Variants in DNAI4 observed in about 807,000 individuals in gnomAD.
DNAI4 encodes the protein WD repeat domain 78.
Under a neutral mutation model 105.8 loss-of-function variants are expected in DNAI4, and 85 were observed. The observed-to-expected ratio is 0.80, with a 90% confidence interval of 0.67 to 0.96. The LOEUF (loss-of-function observed/expected upper bound fraction) is 0.96, where lower values mean the gene tolerates loss of function less well. Among genes scored for constraint, DNAI4 ranks in the 40% least tolerant of loss-of-function variants. DNAI4 has a pLI of 0.00. For missense variants in DNAI4, 1,014 were observed against 1,005.6 expected, an observed-to-expected ratio of 1.01 and a Z score of -0.11; for synonymous variants, 352 against 331.5, an observed-to-expected ratio of 1.06 and a Z score of -0.67.
At chr1:66,882,399 C>G (rs1647092235) in intron 4 of DNAI4, among the ~76,000 whole-genome samples, 2 of 152,156 alleles carry the variant, frequency 1.3e-5, no homozygotes, top group Admixed American at 1.3e-4. Flanking sequence ...CAAGATCACA[C>G]AGATTTTTTC....
At position 66,834,105 on chromosome 1, in the gene DNAI4, A is replaced by G. The variant is rs1645928915; in HGVS notation, c.1777T>C (p.Trp593Arg). The change falls in exon 12 of 17, where the codon TGG becomes CGG. Residue 593 changes from tryptophan (W) to arginine (R), a missense_variant. Coordinates refer to ENST00000371026, the MANE Select transcript of DNAI4 (RefSeq NM_024763.5). ...GTTGTTCCTCGATCTTGTTCTATCC[A>G]CTGTAGTTGCCATACAGGTCCCAAA... is the stretch of plus-strand genomic sequence containing the variant. The part of the protein sequence containing the change: ...KHLGPVWQLQ[W>R]IEQDRGTTGD... The G allele has an allele frequency of 1.9e-6, 3 of 1,610,160 alleles. No individual in the cohort carries two copies. The highest frequency in any genetic ancestry group is 2.7e-5 in the African/African-American group (2 of 74,800).
intron 15 of DNAI4, among the ~76,000 whole-genome samples, chr1:66,825,428 G>T (rs569132648): frequency 6.6e-6 from 1 of 151,768 alleles, no homozygotes; most frequent in African/African-American, 2.4e-5. Flanking sequence ...TGATCCACCC[G>T]CCTCGGCCTC....
intron 9 of DNAI4, 128 bp from the exon 10 acceptor site, chr1:66,837,924 A>G: frequency 1.1e-6 from 1 of 876,064 alleles, no homozygotes; most frequent in Non-Finnish European, 1.7e-6. Context: ...AGAGGAAAAA[A>G]TGCCAGTACA....
intron 16 of DNAI4, among the ~76,000 whole-genome samples, chr1:66,819,560 C>T (rs943104788): frequency 8.6e-5 from 13 of 151,908 alleles, no homozygotes; most frequent in South Asian, 2.1e-4. Flanking sequence ...GCTAGTACTG[C>T]GCTAGACACT....
At chr1:66,851,637 A>G (rs898805262) in intron 7 of DNAI4, among the ~76,000 whole-genome samples, 55 of 152,012 alleles carry the variant, frequency 3.6e-4, no homozygotes, top group African/African-American at 1.3e-3. Context: ...GACAACAGGA[A>G]GATCTCCAAA....
At chr1:66,825,477 G>A (rs1286298608) in intron 15 of DNAI4, among the ~76,000 whole-genome samples, 3 of 152,136 alleles carry the variant, frequency 2.0e-5, no homozygotes, top group South Asian at 2.1e-4. Context: ...CACCGCGCAC[G>A]GCCTAATAAC....
At chr1:66,894,717 C>T (rs1259230949) in intron 2 of DNAI4, among the ~76,000 whole-genome samples, 1 of 152,130 alleles carries the variant, frequency 6.6e-6, no homozygotes, top group Non-Finnish European at 1.5e-5. Context: ...CCTGTCCTTT[C>T]CCCATTACTC....
chr1:66,860,027 T>A (rs1646591155), intron 7 of DNAI4, among the ~76,000 whole-genome samples: 1 of 152,036 alleles, frequency 6.6e-6, no homozygotes. Flanking sequence ...ATATACCACA[T>A]TAATGCAAAA....
chr1:66,841,646 C>T (rs193196400), intron 8 of DNAI4, among the ~76,000 whole-genome samples: 21 of 152,256 alleles, frequency 1.4e-4, no homozygotes, highest in African/African-American at 5.1e-4. Context: ...GCTGTGATTA[C>T]AGACATGAGC....
At chr1:66,917,783 G>C (rs1050090256) in intron 1 of DNAI4, among the ~76,000 whole-genome samples, 12 of 152,328 alleles carry the variant, frequency 7.9e-5, no homozygotes, top group Admixed American at 7.8e-4. Context: ...AGTGCAATAA[G>C]AATCTGTTTT....
At chr1:66,844,609 A>C (rs1331906003) in intron 8 of DNAI4, among the ~76,000 whole-genome samples, 2 of 152,072 alleles carry the variant, frequency 1.3e-5, no homozygotes, top group Non-Finnish European at 2.9e-5. Flanking sequence ...TAGATAGTAG[A>C]CCTAAACATA....
At chr1:66,868,123 C>G (rs986262021) in intron 6 of DNAI4, among the ~76,000 whole-genome samples, 2 of 152,120 alleles carry the variant, frequency 1.3e-5, no homozygotes, top group Non-Finnish European at 2.9e-5. Flanking sequence ...ATTTAATAAT[C>G]TTTATACTCC....
At chr1:66,818,216 G>A (rs1174161822) in intron 16 of DNAI4, among the ~76,000 whole-genome samples, 2 of 151,742 alleles carry the variant, frequency 1.3e-5, no homozygotes, top group South Asian at 2.1e-4. Flanking sequence ...TTACAATCAT[G>A]GATTGAAATC....
At position 66,870,429 on chromosome 1, in the gene DNAI4, C is replaced by A. The variant is rs190189880; in HGVS notation, c.940+941G>T. On this transcript the variant is annotated intron_variant, in intron 6 of 16. Coordinates refer to ENST00000371026, the MANE Select transcript of DNAI4 (RefSeq NM_024763.5). ...CGCACTCCAGCCTGGGTGACAAGAG[C>A]GAAACTGTGCCTCAAAAAAAAAAAA... Among the ~76,000 whole-genome samples, 933 of 116,410 alleles carry A rather than the reference C, an allele frequency of 8.0e-3. 6 individuals are homozygous for A. Among genetic ancestry groups the A allele is most frequent in the African/African-American group, 0.031 (879 of 28,544 alleles). The allele number at this position is 116,410 out of a possible 152,430, so 76.4% of individuals were successfully genotyped here.
chr1:66,893,088 A>AGAAG, intron 3 of DNAI4, 141 bp downstream of exon 3: 1 of 409,264 alleles, frequency 2.4e-6, no homozygotes, highest in Non-Finnish European at 4.2e-6. Flanking sequence ...AAAGAAAGAA[A>AGAAG]GAAAGAAAGA....
At chr1:66,891,378 A>T in intron 3 of DNAI4, 112 bp from the exon 4 acceptor site, 1 of 647,526 alleles carries the variant, frequency 1.5e-6, no homozygotes, top group Non-Finnish European at 2.6e-6. Context: ...CTATGATCAT[A>T]TAAGCAAAAT....
intron 4 of DNAI4, among the ~76,000 whole-genome samples, chr1:66,882,202 G>A (rs1379928644): frequency 1.3e-5 from 2 of 152,116 alleles, no homozygotes; most frequent in Admixed American, 6.5e-5. Context: ...AATTGTATAT[G>A]TACTTTGGAT....
chr1:66,830,047 G>A (rs1645834130), intron 13 of DNAI4, among the ~76,000 whole-genome samples: 1 of 151,970 alleles, frequency 6.6e-6, no homozygotes. Flanking sequence ...CAGAATTTTT[G>A]GGATGCTGCT....
chr1:66,842,294 G>A (rs1646166211), intron 8 of DNAI4, among the ~76,000 whole-genome samples: 1 of 152,202 alleles, frequency 6.6e-6, no homozygotes, highest in African/African-American at 2.4e-5. Flanking sequence ...CCCATGTGCA[G>A]GTTTGGTGTG....
Sources: gnomAD v4.1 joint callset for allele counts (sites outside exome capture counted in the v4.1 genomes callset) on GRCh38, gnomAD v4.1.1 for gene constraint, MANE v1.5 for transcripts, NCBI Gene and HGNC (gene_info 2026-07-23, HGNC 2026-07-21) for gene names.